The following NEGR1 variants were observed in gnomAD, a reference collection of about 807,000 sequenced individuals.
The protein encoded by NEGR1 is neuronal growth regulator 1.
In NEGR1, 10 loss-of-function variants were observed where a neutral mutation model predicts 40.9. The observed-to-expected ratio is 0.24, with a 90% CI of 0.15 to 0.42. The LOEUF (loss-of-function observed/expected upper bound fraction) is 0.42, where lower values mean the gene tolerates loss of function less well. Ranked by LOEUF, NEGR1 falls within the 10% of genes least tolerant of loss-of-function variation. The pLI is 1.00. For missense variants in NEGR1, 352 were observed against 438.9 expected (o/e 0.80, Z 1.77); for synonymous variants, 185 against 166.8 (o/e 1.11, Z -0.84).
At chr1:71,883,116 A>G (rs1487665423) in intron 2 of NEGR1, among the ~76,000 whole-genome samples, 1 of 152,122 alleles carries the variant, frequency 6.6e-6, no homozygotes, top group Non-Finnish European at 1.5e-5. Flanking sequence ...GTTTCTTCTA[A>G]CAAAGCATTG....
In NEGR1 at chr1:71,592,972, G is replaced by T; in HGVS notation, c.789-4C>A. On this transcript the variant is annotated splice_polypyrimidine_tract_variant and splice_region_variant and intron_variant, in intron 5 of 6. Coordinates refer to ENST00000357731, the MANE Select transcript of NEGR1 (RefSeq NM_173808.3). ...TCCTTGTTGGCCATTGAAGAGCCTA[G>T]AAGACAAAATAAGCTCTAGGTAAAT... 2 of 1,604,588 alleles carry T rather than the reference G, an allele frequency of 1.2e-6. No homozygotes were observed. Among genetic ancestry groups the T allele is most frequent in the Non-Finnish European group, 1.7e-6 (2 of 1,171,816 alleles).
chr1:71,499,872 AATCAATG>A (rs1557547098), intron 6 of NEGR1, among the ~76,000 whole-genome samples: 1 of 151,756 alleles, frequency 6.6e-6, no homozygotes, highest in Non-Finnish European at 1.5e-5. Flanking sequence ...TAATAAATGT[AATCAATG>A]TATAGGCCAA....
chr1:72,218,504 A>C (rs1456703264), intron 1 of NEGR1, among the ~76,000 whole-genome samples: 1 of 152,084 alleles, frequency 6.6e-6, no homozygotes, highest in Non-Finnish European at 1.5e-5. Context: ...GGTAAATAAA[A>C]ATAATGTATC....
intron 1 of NEGR1, among the ~76,000 whole-genome samples, chr1:71,953,585 G>C (rs1394352399): frequency 6.6e-6 from 1 of 151,970 alleles, no homozygotes; most frequent in East Asian, 1.9e-4. Flanking sequence ...GTTCTATTGT[G>C]GGTATGACGC....
intron 1 of NEGR1, among the ~76,000 whole-genome samples, chr1:72,152,441 G>C (rs903429598): frequency 6.6e-6 from 1 of 151,924 alleles, no homozygotes; most frequent in African/African-American, 2.4e-5. Flanking sequence ...TCTCACACCA[G>C]TCAGAATGGC....
In NEGR1 at chr1:71,603,677, G is replaced by A. The variant is rs1406432545; in HGVS notation, c.788+7349C>T. Among the ~76,000 whole-genome samples, 3 of 152,036 alleles carry A rather than the reference G, an allele frequency of 2.0e-5. No individual in the cohort carries two copies. The East Asian group carries it at 5.8e-4, about 29-fold the overall frequency. ...ATACTTTACAATAGTTTCCAAAATG[G>A]AAAGCAAGTATCTTAAAGTAGAAAT... On this transcript the variant is annotated intron_variant, in intron 5 of 6. Coordinates refer to ENST00000357731, the MANE Select transcript of NEGR1 (RefSeq NM_173808.3).
At chr1:72,159,746 G>A (rs982840481) in intron 1 of NEGR1, among the ~76,000 whole-genome samples, 3 of 151,976 alleles carry the variant, frequency 2.0e-5, no homozygotes, top group Non-Finnish European at 4.4e-5. Flanking sequence ...TGGGGGATAC[G>A]ATTACTCATA....
chr1:71,656,621 C>G (rs1310435322), intron 4 of NEGR1, among the ~76,000 whole-genome samples: 1 of 152,104 alleles, frequency 6.6e-6, no homozygotes, highest in Admixed American at 6.5e-5. Context: ...ACCGTGGTCT[C>G]GATCTCCTGA....
intron 1 of NEGR1, among the ~76,000 whole-genome samples, chr1:72,250,294 C>A (rs1655042913): frequency 6.6e-6 from 1 of 152,046 alleles, no homozygotes; most frequent in Admixed American, 6.6e-5. Context: ...CCCACATCTT[C>A]AATTGATTCT....
chr1:71,652,150 C>T (rs535845674), intron 4 of NEGR1, among the ~76,000 whole-genome samples: 1 of 152,288 alleles, frequency 6.6e-6, no homozygotes, highest in African/African-American at 2.4e-5. Flanking sequence ...CTAAAATCTG[C>T]ATTCTTCCAT....
intron 2 of NEGR1, among the ~76,000 whole-genome samples, chr1:71,928,638 C>G (rs1051392551): frequency 6.6e-6 from 1 of 150,868 alleles, no homozygotes; most frequent in African/African-American, 2.4e-5. Context: ...GTCCTGTTAA[C>G]TAATGAGGCA....
intron 1 of NEGR1, among the ~76,000 whole-genome samples, chr1:72,109,576 A>G (rs1187855480): frequency 1.3e-5 from 2 of 151,726 alleles, no homozygotes; most frequent in African/African-American, 4.8e-5. Flanking sequence ...TTCCAAAAGT[A>G]TGAACATATA....
At chr1:71,610,987 A>G (rs1650230826) in intron 5 of NEGR1, 39 bp downstream of exon 5, 8 of 1,594,600 alleles carry the variant, frequency 5.0e-6, no homozygotes, top group Non-Finnish European at 5.1e-6. Context: ...ACGTTAGCTC[A>G]AAGTGCTTAG....
intron 2 of NEGR1, among the ~76,000 whole-genome samples, chr1:71,822,222 G>A (rs1658456287): frequency 6.6e-6 from 1 of 151,902 alleles, no homozygotes. Flanking sequence ...TGGCCTGGAA[G>A]CAAAAGGCTA....
At chr1:71,957,913 C>T (rs1175494485) in intron 1 of NEGR1, among the ~76,000 whole-genome samples, 8 of 152,162 alleles carry the variant, frequency 5.3e-5, no homozygotes, top group Non-Finnish European at 1.0e-4. Context: ...GTAACTTGGT[C>T]TATTTTCTCT....
chr1:71,567,250 G>GC (rs1296347943), intron 6 of NEGR1, among the ~76,000 whole-genome samples: 2 of 151,938 alleles, frequency 1.3e-5, no homozygotes, highest in African/African-American at 4.8e-5. Flanking sequence ...AAAACTATCT[G>GC]CTTGAGATAA....
chr1:71,957,375 C>T (rs942869890), intron 1 of NEGR1, among the ~76,000 whole-genome samples: 4 of 152,040 alleles, frequency 2.6e-5, no homozygotes, highest in African/African-American at 9.7e-5. Context: ...GTTTTATGAA[C>T]ACTAAAAGTT....
In NEGR1 at chr1:71,776,259, C is replaced by T. The variant is rs375935233; in HGVS notation, c.448G>A (p.Val150Ile). The change falls in exon 3 of 7, where the codon GTC becomes ATC. Residue 150 changes from valine to isoleucine, a missense_variant. Physicochemically the swap from Val to Ile is conservative, Grantham distance 29. Transcript: ENST00000357731. ...AGAGTGACGTTGGTTCCTTCATTGA[C>T]GGTCATATCATTTGAGATGTCATAT... is the stretch of plus-strand genomic sequence containing the variant. ...KIYDISNDMT[V>I]NEGTNVTLTC... The T allele has an allele frequency of 8.7e-6, 14 of 1,601,198 alleles. No individual in the cohort carries two copies. Among genetic ancestry groups the T allele is most frequent in the East Asian group, 4.5e-5 (2 of 44,330 alleles).
chr1:71,411,540 G>A (rs1229032266), intron 6 of NEGR1, among the ~76,000 whole-genome samples: 4 of 152,132 alleles, frequency 2.6e-5, no homozygotes, highest in Admixed American at 2.6e-4. Context: ...TTTACCTTAA[G>A]TAAAATTAGG....
Sources: gnomAD v4.1 joint callset for allele counts (sites outside exome capture counted in the v4.1 genomes callset) on GRCh38, gnomAD v4.1.1 for gene constraint, MANE v1.5 for transcripts, NCBI Gene and HGNC (gene_info 2026-07-23, HGNC 2026-07-21) for gene names.